The following LRRTM4 variants were observed in gnomAD, a reference collection of about 807,000 sequenced individuals.
LRRTM4 encodes the protein leucine-rich repeat transmembrane neuronal protein 4.
LRRTM4 carries 25 observed loss-of-function variants against 47.6 expected under a neutral mutation model. That is an observed-to-expected ratio of 0.53 (90% CI 0.38 to 0.73). LRRTM4 has a LOEUF of 0.73. Ranked by LOEUF, LRRTM4 falls within the 30% of genes least tolerant of loss-of-function variation. The pLI, the probability that LRRTM4 is intolerant of heterozygous loss-of-function variation, is 0.00. For synonymous variants in LRRTM4, 311 were observed against 269.5 expected (o/e 1.15, Z -1.51); for missense variants, 638 against 713.4 (o/e 0.89, Z 1.20).
chr2:77,350,119 G>A (rs961079755), intron 3 of LRRTM4, among the ~76,000 whole-genome samples: 16 of 150,394 alleles, frequency 1.1e-4, no homozygotes, highest in African/African-American at 3.2e-4. Flanking sequence ...TCAGGAGATC[G>A]AGACCATCCT....
chr2:77,372,587 A>T (rs529769282), intron 3 of LRRTM4, among the ~76,000 whole-genome samples: 1 of 151,794 alleles, frequency 6.6e-6, no homozygotes, highest in Non-Finnish European at 1.5e-5. Flanking sequence ...GTGGTCTGGT[A>T]AAAAATTTTC....
At chr2:77,412,143 C>A (rs1204600635) in intron 3 of LRRTM4, among the ~76,000 whole-genome samples, 1 of 152,100 alleles carries the variant, frequency 6.6e-6, no homozygotes, top group Non-Finnish European at 1.5e-5. Flanking sequence ...CCTCCAAGAC[C>A]CATCAACATG....
intron 3 of LRRTM4, among the ~76,000 whole-genome samples, chr2:77,003,275 C>T (rs996199104): frequency 1.4e-5 from 2 of 147,556 alleles, no homozygotes; most frequent in African/African-American, 2.7e-5. Context: ...CTTTTATTTG[C>T]TTATTTTCAT....
chr2:77,348,906 A>G (rs2104291837), intron 3 of LRRTM4, among the ~76,000 whole-genome samples: 1 of 152,002 alleles, frequency 6.6e-6, no homozygotes, highest in Admixed American at 6.5e-5. Context: ...TTAAATGAAA[A>G]GGCATTTGAT....
In LRRTM4 at chr2:77,207,347, GTGTATATA is replaced by G. The variant is rs1674158813; in HGVS notation, c.1551+310963_1551+310970del. 2.4e-5 allele frequency among the ~76,000 whole-genome samples: 2 copies of G among 83,396 alleles called. 1 individual carries two copies. Among genetic ancestry groups the G allele is most frequent in the African/African-American group, 8.6e-5 (2 of 23,158 alleles). The allele number at this position is 83,396 out of a possible 152,430, so 54.7% of individuals were successfully genotyped here. A position where few individuals can be genotyped will look rare whatever the true frequency, so the allele number is the denominator to read the frequency against. On this transcript the variant is annotated intron_variant, in intron 3 of 3. Transcript: ENST00000409884. ...TTATGTTTTTCCTAATTTCATATAT[GTGTATATA>G]TATATATATATATATATACACACAC...
chr2:77,108,734 CCACCA>C (rs1671168999), intron 3 of LRRTM4, among the ~76,000 whole-genome samples: 2 of 151,806 alleles, frequency 1.3e-5, no homozygotes, highest in Admixed American at 1.3e-4. Flanking sequence ...CAGGCGCCCG[CCACCA>C]CGCCCGGCTA....
chr2:77,040,631 A>C (rs1678998111), intron 3 of LRRTM4, among the ~76,000 whole-genome samples: 1 of 151,284 alleles, frequency 6.6e-6, no homozygotes, highest in African/African-American at 2.4e-5. Context: ...AGCCATATAC[A>C]TTTTCCAATA....
chr2:77,341,843 AC>A (rs1671384255), intron 3 of LRRTM4, among the ~76,000 whole-genome samples: 1 of 152,104 alleles, frequency 6.6e-6, no homozygotes, highest in Admixed American at 6.6e-5. Context: ...ATTTGTAAAA[AC>A]AAAACTGTGT....
chr2:76,806,391 A>T (rs1286542889), intron 3 of LRRTM4, among the ~76,000 whole-genome samples: 3 of 151,954 alleles, frequency 2.0e-5, no homozygotes, highest in African/African-American at 7.2e-5. Context: ...AGACCAGCCT[A>T]ACCAACGTGG....
intron 3 of LRRTM4, among the ~76,000 whole-genome samples, chr2:76,818,514 T>C (rs77165593): frequency 0.027 from 4,102 of 151,926 alleles, 180 homozygotes; most frequent in East Asian, 0.088. Context: ...TAAAAACTAT[T>C]ACACATTGAA....
intron 3 of LRRTM4, among the ~76,000 whole-genome samples, chr2:77,160,365 T>G (rs1165725995): frequency 6.6e-6 from 1 of 152,156 alleles, no homozygotes; most frequent in East Asian, 1.9e-4. Context: ...TTGTGAGTAG[T>G]GAGCCATAAA....
Position 77,467,833 on chromosome 2 carries a change from G to A in LRRTM4, c.1551+50485C>T, listed in dbSNP as rs565153156. On this transcript the variant is annotated intron_variant, in intron 3 of 3. Coordinates refer to ENST00000409884, the MANE Select transcript of LRRTM4 (RefSeq NM_001134745.3). ...ATCTTTAGAGAAGAAACACATTTTT[G>A]TGTGCTAAAAATAACCAATGAGTAT... Among the ~76,000 whole-genome samples, 19 of 152,078 alleles carry A rather than the reference G, an allele frequency of 1.2e-4. No homozygotes were observed. In the East Asian group the frequency reaches 3.7e-3, roughly 29 times the overall value.
chr2:76,867,133 T>C (rs150510554), intron 3 of LRRTM4, among the ~76,000 whole-genome samples: 244 of 152,276 alleles, frequency 1.6e-3, no homozygotes, highest in African/African-American at 5.2e-3. Flanking sequence ...GGTTAAAACC[T>C]AGATGACGGG....
intron 3 of LRRTM4, among the ~76,000 whole-genome samples, chr2:77,254,349 G>A (rs923401336): frequency 1.4e-4 from 22 of 151,792 alleles, no homozygotes; most frequent in African/African-American, 5.1e-4. Context: ...ATTCTTGATG[G>A]AGGAAAATAA....
chr2:77,187,292 C>T (rs967753084), intron 3 of LRRTM4, among the ~76,000 whole-genome samples: 1 of 152,110 alleles, frequency 6.6e-6, no homozygotes, highest in African/African-American at 2.4e-5. Context: ...CTTTGCTTGG[C>T]CTCTTTGCCT....
chr2:77,280,459 G>C (rs1390085412), intron 3 of LRRTM4, among the ~76,000 whole-genome samples: 2 of 152,010 alleles, frequency 1.3e-5, no homozygotes, highest in African/African-American at 4.8e-5. Context: ...AATGTTAATT[G>C]CATTGCTCAG....
intron 3 of LRRTM4, among the ~76,000 whole-genome samples, chr2:77,124,330 A>C (rs1187239061): frequency 6.6e-6 from 1 of 152,086 alleles, no homozygotes; most frequent in Admixed American, 6.6e-5. Flanking sequence ...TTAAATACAC[A>C]CAGGACAATG....
chr2:77,398,102 C>A (rs1673773834), intron 3 of LRRTM4, among the ~76,000 whole-genome samples: 1 of 151,852 alleles, frequency 6.6e-6, no homozygotes, highest in African/African-American at 2.4e-5. Flanking sequence ...ACTTTGAACT[C>A]CTAATTCTTC....
At chr2:76,942,134 T>A (rs1675166128) in intron 3 of LRRTM4, among the ~76,000 whole-genome samples, 1 of 152,214 alleles carries the variant, frequency 6.6e-6, no homozygotes, top group African/African-American at 2.4e-5. Flanking sequence ...TCTGTTCATA[T>A]CCTTTGCCCA....
Sources: gnomAD v4.1 joint callset for allele counts (sites outside exome capture counted in the v4.1 genomes callset) on GRCh38, gnomAD v4.1.1 for gene constraint, MANE v1.5 for transcripts, NCBI Gene and HGNC (gene_info 2026-07-23, HGNC 2026-07-21) for gene names.